The following RAP1GAP2 variants were observed in gnomAD, a reference collection of about 807,000 sequenced individuals.
The protein encoded by RAP1GAP2 is rap1 GTPase-activating protein 2.
In RAP1GAP2, 27 loss-of-function variants were observed where a neutral mutation model predicts 95.0. The observed-to-expected ratio is 0.28, with a 90% CI of 0.21 to 0.39. The LOEUF (loss-of-function observed/expected upper bound fraction) is 0.39, where lower values mean the gene tolerates loss of function less well. Among genes scored for constraint, RAP1GAP2 ranks in the 10% least tolerant of loss-of-function variants. The pLI is 1.00. For missense variants in RAP1GAP2, 771 were observed against 970.0 expected (o/e 0.79, Z 2.72); for synonymous variants, 373 against 380.9 (o/e 0.98, Z 0.24).
intron 1 of RAP1GAP2, among the ~76,000 whole-genome samples, chr17:2,799,851 G>A (rs751542647): frequency 6.8e-4 from 103 of 152,180 alleles, no homozygotes; most frequent in African/African-American, 2.3e-3. Flanking sequence ...CCTCAGCGGC[G>A]CTGTCTCCCC....
At chr17:2,781,807 T>C in intron 1 of RAP1GAP2, among the ~76,000 whole-genome samples, 1 of 148,826 alleles carries the variant, frequency 6.7e-6, no homozygotes, top group South Asian at 2.2e-4. Flanking sequence ...CGTCTGTGTG[T>C]GCACGTCTCT....
rs2071077968 is a variant in RAP1GAP2, at chr17:2,835,175, G to C, written c.80+34625G>C. On this transcript the variant is annotated intron_variant, in intron 2 of 24. Transcript: ENST00000254695. ...CTGACCTTGTGATCCACCTGCCTTG[G>C]CCTCCCAAAGTGCTGAAATTACAGG... Among the ~76,000 whole-genome samples the C allele has an allele frequency of 3.4e-5, 5 of 149,232 alleles. No individual in the cohort carries two copies. The South Asian group carries it at 1.1e-3, about 32-fold the overall frequency.
chr17:2,983,837 A>G (rs1299106506), intron 10 of RAP1GAP2, among the ~76,000 whole-genome samples: 1 of 152,208 alleles, frequency 6.6e-6, no homozygotes, highest in Non-Finnish European at 1.5e-5. Context: ...TTATCCCAAC[A>G]GCTCCCAGAT....
At chr17:2,999,451 C>T (rs1226522413) in intron 14 of RAP1GAP2, among the ~76,000 whole-genome samples, 1 of 152,138 alleles carries the variant, frequency 6.6e-6, no homozygotes, top group Admixed American at 6.6e-5. Context: ...CCCTGCTCCG[C>T]AAAATATCAG....
chr17:2,766,504 G>A (rs1376088550), intron 1 of RAP1GAP2, among the ~76,000 whole-genome samples: 5 of 152,052 alleles, frequency 3.3e-5, no homozygotes, highest in Non-Finnish European at 5.9e-5. Flanking sequence ...CAGCTACTTG[G>A]GAGGCTGAGG....
chr17:2,942,890 C>T (rs2043549510), intron 3 of RAP1GAP2, among the ~76,000 whole-genome samples: 6 of 152,222 alleles, frequency 3.9e-5, no homozygotes, highest in South Asian at 2.1e-4. Flanking sequence ...GCCTTAGCCT[C>T]CTGAGTAGCT....
At chr17:2,791,260 T>C (rs752775625) in intron 1 of RAP1GAP2, among the ~76,000 whole-genome samples, 1 of 152,022 alleles carries the variant, frequency 6.6e-6, no homozygotes, top group Non-Finnish European at 1.5e-5. Flanking sequence ...AGCTCTGCCC[T>C]GGGGTTGGGA....
rs2047159739 is a variant in RAP1GAP2 at position 3,027,390 on chromosome 17, T to C, written c.2107+320T>C. Among the ~76,000 whole-genome samples, 1 of 152,022 alleles carries C rather than the reference T, an allele frequency of 6.6e-6. No homozygotes were observed. The highest frequency in any genetic ancestry group is 1.5e-5 in the Non-Finnish European group (1 of 67,998). ...AGCCCTTCTCCCCACCTGCCAGTGC[T>C]CCAACCCTTCTCCCCACCTGCCAGC... On this transcript the variant is annotated intron_variant, in intron 22 of 24. Coordinates refer to ENST00000254695, the MANE Select transcript of RAP1GAP2 (RefSeq NM_015085.5). The surrounding 1 kb of genome is among the most constrained non-coding windows in gnomAD (Gnocchi z 5.2).
chr17:3,008,745 C>T lies in RAP1GAP2; in HGVS notation c.1494+600C>T, dbSNP rs956371035. On this transcript the variant is annotated intron_variant, in intron 17 of 24. Transcript: ENST00000254695. The surrounding 1 kb of genome is among the most constrained non-coding windows in gnomAD (Gnocchi z 4.2). ...ATTCAAGTGGAGCTCGGACGGCCCC[C>T]GAGCTGGCGTGTGGTAGAGGTTTTT... Among the ~76,000 whole-genome samples, 2 of 152,342 alleles carry T rather than the reference C, an allele frequency of 1.3e-5. No homozygotes were observed. Among genetic ancestry groups the T allele is most frequent in the South Asian group, 4.1e-4 (2 of 4,822 alleles).
At chr17:2,813,450 T>C (rs1273251306) in intron 2 of RAP1GAP2, among the ~76,000 whole-genome samples, 1 of 152,098 alleles carries the variant, frequency 6.6e-6, no homozygotes, top group African/African-American at 2.4e-5. Flanking sequence ...GATACACAAG[T>C]GTGGTGACCG....
At chr17:2,883,180 T>A (rs2073369107) in intron 2 of RAP1GAP2, among the ~76,000 whole-genome samples, 1 of 152,182 alleles carries the variant, frequency 6.6e-6, no homozygotes, top group Admixed American at 6.6e-5. Context: ...GCTGGGGAGC[T>A]GGAGAGGATG....
intron 18 of RAP1GAP2, among the ~76,000 whole-genome samples, chr17:3,019,705 CG>C (rs750437738): frequency 4.3e-4 from 66 of 152,316 alleles, no homozygotes; most frequent in Admixed American, 2.4e-3. Flanking sequence ...AGGTGCATGG[CG>C]TGAGCAGAGC....
At chr17:2,974,779 G>A (rs1328417242) in intron 8 of RAP1GAP2, among the ~76,000 whole-genome samples, 1 of 151,582 alleles carries the variant, frequency 6.6e-6, no homozygotes, top group East Asian at 1.9e-4. Context: ...TAGGTGTATT[G>A]GAAGATACAG....
In RAP1GAP2 at chr17:2,908,047, C is replaced by T. The variant is rs145825076; in HGVS notation, c.165+2679C>T. Among the ~76,000 whole-genome samples, 897 of 152,212 alleles carry T rather than the reference C, an allele frequency of 5.9e-3. 4 individuals are homozygous for T. The highest frequency in any genetic ancestry group is 8.4e-3 in the Non-Finnish European group (571 of 67,996). On this transcript the variant is annotated intron_variant, in intron 3 of 24. Coordinates refer to ENST00000254695, the MANE Select transcript of RAP1GAP2 (RefSeq NM_015085.5). ...GTCTCGAACTCCTGACCTCGTGATG[C>T]GCCCGCCTCGGCCTCCCAAAGTGCT...
chr17:2,850,291 C>A (rs551033378), intron 2 of RAP1GAP2, among the ~76,000 whole-genome samples: 1 of 151,418 alleles, frequency 6.6e-6, no homozygotes, highest in African/African-American at 2.4e-5. Context: ...TGAGCCACTG[C>A]GCCTGGCCCG....
At chr17:2,940,461 A>C (rs912378132) in intron 3 of RAP1GAP2, among the ~76,000 whole-genome samples, 2 of 152,218 alleles carry the variant, frequency 1.3e-5, no homozygotes, top group African/African-American at 4.8e-5. Context: ...GGGAGTTGCC[A>C]TGGCGAGAGG....
At chr17:2,932,632 A>G (rs1233596522) in intron 3 of RAP1GAP2, among the ~76,000 whole-genome samples, 1 of 148,640 alleles carries the variant, frequency 6.7e-6, no homozygotes, top group Non-Finnish European at 1.5e-5. Flanking sequence ...CCTGACCAAC[A>G]TGGTGAAACC....
chr17:2,769,706 T>C (rs2068351388), intron 1 of RAP1GAP2, among the ~76,000 whole-genome samples: 1 of 152,202 alleles, frequency 6.6e-6, no homozygotes, highest in South Asian at 2.1e-4. Flanking sequence ...TCTGCTTACA[T>C]ACCTCCAGTG....
intron 2 of RAP1GAP2, among the ~76,000 whole-genome samples, chr17:2,891,435 C>G (rs2073711957): frequency 6.6e-6 from 1 of 152,064 alleles, no homozygotes; most frequent in African/African-American, 2.4e-5. Flanking sequence ...GCCACTGTAC[C>G]TGGCCTATTT....
Sources: allele counts gnomAD v4.1 joint callset (sites outside exome capture counted in the v4.1 genomes callset), GRCh38; gene constraint gnomAD v4.1.1; non-coding constraint Gnocchi (gnomAD v3.1); transcripts MANE v1.5; gene names NCBI Gene and HGNC (gene_info 2026-07-23, HGNC 2026-07-21).